The following RMDN2 variants were observed in gnomAD, a reference collection of about 807,000 sequenced individuals.
RMDN2 encodes regulator of microtubule dynamics protein 2.
In RMDN2, 61 loss-of-function variants were observed where a neutral mutation model predicts 52.8. The ratio of observed to expected loss-of-function variants is 1.16; its 90% CI spans 0.94 to 1.43. RMDN2 has a LOEUF of 1.43. Ranked by LOEUF, RMDN2 falls within the 40% of genes most tolerant of loss-of-function variation. The pLI, the probability that RMDN2 is intolerant of heterozygous loss-of-function variation, is 0.00. For synonymous variants in RMDN2, 180 were observed against 153.1 expected, an observed-to-expected ratio of 1.18 and a Z score of -1.30; for missense variants, 592 against 475.3, an observed-to-expected ratio of 1.25 and a Z score of -2.28.
chr2:37,996,596 AAAAAG>A (rs1232545810), intron 7 of RMDN2, among the ~76,000 whole-genome samples: 5 of 53,596 alleles, frequency 9.3e-5, no homozygotes, highest in African/African-American at 6.5e-4. Flanking sequence ...GCCAAAAAAA[AAAAAG>A]AAAAAAAAAA....
chr2:37,940,437 A>G (rs1329168461), intron 2 of RMDN2, among the ~76,000 whole-genome samples: 1 of 151,988 alleles, frequency 6.6e-6, no homozygotes, highest in Admixed American at 6.6e-5. Context: ...CTGTCTTGCT[A>G]TGTTGGGGAA....
At chr2:37,942,798 G>T (rs1490171043) in intron 2 of RMDN2, among the ~76,000 whole-genome samples, 1 of 152,160 alleles carries the variant, frequency 6.6e-6, no homozygotes, top group Non-Finnish European at 1.5e-5. Context: ...TCTGTGGCAG[G>T]CACTGTCTGA....
At chr2:38,036,203 C>T (rs1334841238) in intron 10 of RMDN2, 8 of 152,236 alleles carry the variant, frequency 5.3e-5, no homozygotes, top group African/African-American at 9.6e-5. Flanking sequence ...TGCCGGAGCA[C>T]TGTACCAGGA....
At chr2:37,927,779 G>C (rs1250108775) in intron 1 of RMDN2, among the ~76,000 whole-genome samples, 2 of 152,116 alleles carry the variant, frequency 1.3e-5, no homozygotes, top group Non-Finnish European at 2.9e-5. Flanking sequence ...TTTGCAATAA[G>C]CTTTCAAGAT....
At chr2:37,945,273 A>G (rs1016913388) in intron 2 of RMDN2, among the ~76,000 whole-genome samples, 38 of 152,336 alleles carry the variant, frequency 2.5e-4, no homozygotes, top group African/African-American at 8.7e-4. Context: ...ACATTTGCAG[A>G]TTCATTCATT....
intron 2 of RMDN2, among the ~76,000 whole-genome samples, chr2:37,948,087 C>G: frequency 6.6e-6 from 1 of 152,184 alleles, no homozygotes; most frequent in East Asian, 1.9e-4. Flanking sequence ...TGGAACACAG[C>G]TACTCAAATT....
chr2:38,025,878 A>G (rs891224327), intron 10 of RMDN2, among the ~76,000 whole-genome samples: 1 of 152,092 alleles, frequency 6.6e-6, no homozygotes, highest in African/African-American at 2.4e-5. Flanking sequence ...AAGTTTTTGC[A>G]TAAATATTTA....
At chr2:38,040,450 C>G (rs1238579293) in intron 10 of RMDN2, among the ~76,000 whole-genome samples, 2 of 152,152 alleles carry the variant, frequency 1.3e-5, no homozygotes, top group Non-Finnish European at 2.9e-5. Flanking sequence ...GCTCCCTTGT[C>G]CCTTCCATCA....
At chr2:38,008,723 A>T (rs1439349854) in intron 10 of RMDN2, among the ~76,000 whole-genome samples, 2 of 152,112 alleles carry the variant, frequency 1.3e-5, no homozygotes, top group African/African-American at 4.8e-5. Flanking sequence ...TAATATTGTT[A>T]TGTGTGAATT....
At chr2:37,930,527 G>A (rs143115682) in intron 2 of RMDN2, among the ~76,000 whole-genome samples, 4,411 of 152,282 alleles carry the variant, frequency 0.029, 206 homozygotes, top group African/African-American at 0.1. Flanking sequence ...GCAGCCCAGG[G>A]ACTTAAATAC....
intron 2 of RMDN2, among the ~76,000 whole-genome samples, chr2:37,947,002 T>A (rs1409621783): frequency 6.6e-6 from 1 of 152,340 alleles, no homozygotes; most frequent in Non-Finnish European, 1.5e-5. Flanking sequence ...TTGACTAGAA[T>A]GCCTTTAGTA....
At chr2:38,040,345 C>T (rs1300258608) in intron 10 of RMDN2, among the ~76,000 whole-genome samples, 6 of 151,950 alleles carry the variant, frequency 3.9e-5, no homozygotes, top group South Asian at 2.1e-4. Context: ...ACTTAATGCC[C>T]GATATGATGG....
intron 10 of RMDN2, among the ~76,000 whole-genome samples, chr2:38,065,343 G>C (rs1682227202): frequency 6.6e-6 from 1 of 151,224 alleles, no homozygotes; most frequent in Non-Finnish European, 1.5e-5. Context: ...TTGAGAGAGA[G>C]AGAAACAAAT....
intron 8 of RMDN2, among the ~76,000 whole-genome samples, chr2:38,001,506 T>A (rs914568500): frequency 2.6e-5 from 4 of 152,220 alleles, no homozygotes; most frequent in Non-Finnish European, 4.4e-5. Flanking sequence ...GGCTTCAGAT[T>A]TTTAAACCAT....
intron 10 of RMDN2, among the ~76,000 whole-genome samples, chr2:38,048,999 A>C (rs533982525): frequency 2.2e-4 from 34 of 152,358 alleles, no homozygotes; most frequent in African/African-American, 7.7e-4. Context: ...CCATAAGATA[A>C]ATTAAACTTA....
intron 2 of RMDN2, among the ~76,000 whole-genome samples, chr2:37,937,238 C>A (rs185045758): frequency 1.9e-3 from 295 of 152,128 alleles, no homozygotes; most frequent in African/African-American, 6.5e-3. Context: ...ATTTCTGAAG[C>A]CTCTGTTCTG....
intron 2 of RMDN2, among the ~76,000 whole-genome samples, chr2:37,933,322 A>G (rs1666999955): frequency 6.6e-6 from 1 of 150,928 alleles, no homozygotes; most frequent in Non-Finnish European, 1.5e-5. Context: ...CTCACATCCC[A>G]GACGATGGGC....
At chr2:37,948,035 G>A (rs1668370025) in intron 2 of RMDN2, among the ~76,000 whole-genome samples, 1 of 152,170 alleles carries the variant, frequency 6.6e-6, no homozygotes, top group African/African-American at 2.4e-5. Flanking sequence ...CTCAGAAGAC[G>A]CTTCTGCCTT....
chr2:37,927,385 A>G (rs1666380027), intron 1 of RMDN2, among the ~76,000 whole-genome samples: 1 of 152,238 alleles, frequency 6.6e-6, no homozygotes, highest in African/African-American at 2.4e-5. Flanking sequence ...CTGCAAAATA[A>G]TAATAGGACC....
Sources: gnomAD v4.1 joint callset for allele counts (sites outside exome capture counted in the v4.1 genomes callset) on GRCh38, gnomAD v4.1.1 for gene constraint, MANE v1.5 for transcripts, NCBI Gene and HGNC (gene_info 2026-07-23, HGNC 2026-07-21) for gene names.